The following TFCP2 variants were observed in gnomAD, a reference collection of about 807,000 sequenced individuals.
The protein encoded by TFCP2 is alpha-globin transcription factor CP2.
Under a neutral mutation model 73.4 loss-of-function variants are expected in TFCP2, and 33 were observed. That is an observed-to-expected ratio of 0.45 (90% CI 0.34 to 0.60). TFCP2 has a LOEUF of 0.60. Ranked by LOEUF, TFCP2 falls within the 20% of genes least tolerant of loss-of-function variation. TFCP2 has a pLI of 0.01. For synonymous variants in TFCP2, 193 were observed against 211.6 expected (o/e 0.91, Z 0.76); for missense variants, 352 against 604.0 (o/e 0.58, Z 4.37).
intron 4 of TFCP2, among the ~76,000 whole-genome samples, chr12:51,115,986 T>C (rs943441316): frequency 1.3e-5 from 2 of 152,148 alleles, no homozygotes; most frequent in Non-Finnish European, 2.9e-5. Context: ...GGTTACACAA[T>C]AATGTGAATG....
chr12:51,114,891 G>A (rs1375337712), intron 4 of TFCP2, among the ~76,000 whole-genome samples: 3 of 151,070 alleles, frequency 2.0e-5, no homozygotes, highest in South Asian at 2.1e-4. Flanking sequence ...GTGAAACCCC[G>A]TCTCTACCAA....
At position 51,135,202 on chromosome 12, in the gene TFCP2, G is replaced by A. The variant is rs769553350; in HGVS notation, c.123-16430C>T. 5.9e-5 allele frequency among the ~76,000 whole-genome samples: 9 copies of A among 151,960 alleles called. No individual in the cohort carries two copies. In the South Asian group the frequency reaches 6.2e-4, roughly 11 times the overall value. ...AGCACTTTGGGAGGCCGAGGCGGGC[G>A]GATCACTTGAGGCCAGGAGTTCGAG... On this transcript the variant is annotated intron_variant, in intron 1 of 14. Transcript: ENST00000257915.
intron 1 of TFCP2, among the ~76,000 whole-genome samples, chr12:51,134,448 C>T (rs565496691): frequency 4.7e-4 from 72 of 152,164 alleles, no homozygotes; most frequent in African/African-American, 1.7e-3. Context: ...CCATGCCCAC[C>T]TATTTTTTTG....
intron 11 of TFCP2, 97 bp from the exon 12 acceptor site, chr12:51,099,876 C>A: frequency 6.9e-7 from 1 of 1,441,060 alleles, no homozygotes. Flanking sequence ...TCGTATAGAG[C>A]AGATGAAAAT....
chr12:51,098,619 G>A (rs1279135144), intron 13 of TFCP2, among the ~76,000 whole-genome samples, 157 bp downstream of exon 13: 2 of 149,834 alleles, frequency 1.3e-5, no homozygotes, highest in Non-Finnish European at 3.0e-5. Flanking sequence ...GAGAGAGACT[G>A]TTTCAAAAAA....
chr12:51,102,880 T>G (rs753537605), intron 10 of TFCP2, among the ~76,000 whole-genome samples: 58 of 151,868 alleles, frequency 3.8e-4, no homozygotes, highest in Non-Finnish European at 7.2e-4. Context: ...TTTGATTCGA[T>G]TAGTTGTGTT....
At chr12:51,122,253 CTTTTTTTTTTTT>C (rs11347975) in intron 1 of TFCP2, among the ~76,000 whole-genome samples, 1 of 73,180 alleles carries the variant, frequency 1.4e-5, no homozygotes, top group Non-Finnish European at 2.6e-5. Flanking sequence ...TTTTTCTTTT[CTTTTTTTTTTTT>C]TTTTTTTTTT....
chr12:51,124,848 G>T, intron 1 of TFCP2: 2 of 1,284,476 alleles, frequency 1.6e-6, no homozygotes, highest in African/African-American at 1.5e-5. Context: ...TTCCTGCTGA[G>T]CCACCTGTTT....
chr12:51,141,785 A>G (rs1281653860), intron 1 of TFCP2, among the ~76,000 whole-genome samples: 2 of 151,676 alleles, frequency 1.3e-5, no homozygotes, highest in African/African-American at 4.8e-5. Context: ...GCACGCCTGT[A>G]ATCACACCTA....
At position 51,099,691 on chromosome 12, in the gene TFCP2, T is replaced by C. The variant is rs775843507; in HGVS notation, c.1240A>G (p.Lys414Glu). The change falls in exon 12 of 15, where the codon AAG (lysine) becomes GAG (glutamate). Residue 414 changes from lysine (K) to glutamate (E), a missense_variant. By Grantham distance (56) the Lys-to-Glu change is moderately conservative. Coordinates refer to ENST00000257915, the MANE Select transcript of TFCP2 (RefSeq NM_005653.5). ...CCATTTGAGTCTCCATCCTCATGCT[T>C]CTGCTGCTGTTGCTGCTGCTGTTGT... The part of the protein sequence containing the change: ...QQQQQQQQQQ[K>E]HEDGDSNGTF... The C allele has an allele frequency of 1.2e-6, 2 of 1,614,182 alleles. No homozygotes were observed. The highest frequency in any genetic ancestry group is 1.7e-6 in the Non-Finnish European group (2 of 1,180,034).
intron 10 of TFCP2, among the ~76,000 whole-genome samples, chr12:51,102,902 C>CT (rs11452863): frequency 0.081 from 11,497 of 142,352 alleles, 502 homozygotes; most frequent in African/African-American, 0.12. Context: ...TGTTTCGGTG[C>CT]TTTTTTTTTT....
intron 1 of TFCP2, among the ~76,000 whole-genome samples, chr12:51,167,897 C>CA (rs1941787505): frequency 6.6e-6 from 1 of 151,834 alleles, no homozygotes; most frequent in East Asian, 1.9e-4. Flanking sequence ...CTAGTCTCTA[C>CA]AAAAAGTAGA....
chr12:51,102,038 T>A lies in TFCP2; in HGVS notation c.1061-13A>T. 1 of 1,561,126 alleles carries A rather than the reference T, an allele frequency of 6.4e-7. No individual in the cohort carries two copies. The highest frequency in any genetic ancestry group is 8.8e-7 in the Non-Finnish European group (1 of 1,132,654). ...AATAAATCTGCCCCTGGAATAAATA[T>A]AAGAAAATGGATGATAAAGGCAAAG... On this transcript the variant is annotated splice_polypyrimidine_tract_variant and intron_variant, in intron 10 of 14. Coordinates refer to ENST00000257915, the MANE Select transcript of TFCP2 (RefSeq NM_005653.5).
intron 1 of TFCP2, among the ~76,000 whole-genome samples, chr12:51,144,984 T>C (rs932340458): frequency 5.3e-5 from 8 of 152,104 alleles, no homozygotes; most frequent in African/African-American, 1.9e-4. Flanking sequence ...GCGGATCACT[T>C]GAGGTCAGGA....
chr12:51,124,789 C>G, intron 1 of TFCP2: 1 of 838,762 alleles, frequency 1.2e-6, no homozygotes, highest in South Asian at 1.3e-5. Context: ...TGCTGCTCAG[C>G]CTTTTTCTGC....
At chr12:51,161,760 CAAAAAAAAAAAAA>C (rs60679909) in intron 1 of TFCP2, among the ~76,000 whole-genome samples, 1 of 76,222 alleles carries the variant, frequency 1.3e-5, no homozygotes, top group East Asian at 3.9e-4. Context: ...GACTCCATAT[CAAAAAAAAAAAAA>C]AAAAAAAAAA....
chr12:51,096,336 A>G (rs949709064), intron 13 of TFCP2, among the ~76,000 whole-genome samples: 4 of 152,208 alleles, frequency 2.6e-5, no homozygotes, highest in Non-Finnish European at 4.4e-5. Flanking sequence ...ATGTGCATAC[A>G]GGAGAACTGA....
At chr12:51,112,625 G>A (rs889034190) in intron 4 of TFCP2, among the ~76,000 whole-genome samples, 2 of 152,126 alleles carry the variant, frequency 1.3e-5, no homozygotes, top group Admixed American at 6.5e-5. Context: ...CCAGTACTTT[G>A]GGAGGCCAAG....
chr12:51,133,887 ACTCCAGC>A (rs1285190105), intron 1 of TFCP2, among the ~76,000 whole-genome samples: 2 of 147,572 alleles, frequency 1.4e-5, no homozygotes, highest in African/African-American at 5.0e-5. Context: ...GCACCACTGC[ACTCCAGC>A]CTAGGCAACA....
Sources: allele counts gnomAD v4.1 joint callset (sites outside exome capture counted in the v4.1 genomes callset), GRCh38; gene constraint gnomAD v4.1.1; transcripts MANE v1.5; gene names NCBI Gene and HGNC (gene_info 2026-07-23, HGNC 2026-07-21).